CYP24A1: variants seen among roughly 807,000 people sequenced by gnomAD.
The protein encoded by CYP24A1 is cytochrome P450 family 24 subfamily A member 1.
A neutral mutation model predicts 62.4 loss-of-function variants in CYP24A1; 68 were observed. The observed-to-expected ratio is 1.09, with a 90% CI of 0.90 to 1.33. The LOEUF (loss-of-function observed/expected upper bound fraction) is 1.33. Ranked by LOEUF, CYP24A1 falls within the 40% of genes most tolerant of loss-of-function variation. The pLI, the probability that CYP24A1 is intolerant of heterozygous loss-of-function variation, is 0.00. For missense variants in CYP24A1, 787 were observed against 653.0 expected, an observed-to-expected ratio of 1.21 and a Z score of -2.24; for synonymous variants, 267 against 253.0, an observed-to-expected ratio of 1.06 and a Z score of -0.52.
At position 54,162,229 on chromosome 20, in the gene CYP24A1, T is replaced by TTG. The variant is rs1568968827; in HGVS notation, c.990+487_990+488insCA. On this transcript the variant is annotated intron_variant, in intron 7 of 11. Transcript: ENST00000216862. Reference sequence around the variant, plus strand: ...TTGAAAGAGAGTATGCCTTTTTTTTTTTTTTTTTTTTTTTTTTTTTTTTTT... The same window carrying TTG: ...TTGAAAGAGAGTATGCCTTTTTTTTTTGTTTTTTTTTTTTTTTTTTTTTTTTT... 6.2e-5 allele frequency among the ~76,000 whole-genome samples: 3 copies of TTG among 48,558 alleles called. No homozygotes were observed. In the East Asian group the frequency reaches 1.4e-3, roughly 23 times the overall value. The allele number at this position is 48,558 out of a possible 152,430, so 31.9% of individuals were successfully genotyped here.
chr20:54,169,740 C>T (rs2092687724), intron 3 of CYP24A1, 52 bp from the exon 4 acceptor site: 2 of 1,611,344 alleles, frequency 1.2e-6, no homozygotes, highest in Non-Finnish European at 1.7e-6. Context: ...TGAAGGAAAA[C>T]AAAACTTTAA....
intron 4 of CYP24A1, among the ~76,000 whole-genome samples, 189 bp from the exon 5 acceptor site, chr20:54,166,022 T>C (rs1317426143): frequency 6.6e-6 from 1 of 152,210 alleles, no homozygotes; most frequent in East Asian, 1.9e-4. Context: ...ACTTTCTTTT[T>C]CTAGAAATTA....
intron 9 of CYP24A1, 59 bp downstream of exon 9, chr20:54,158,027 A>T: frequency 6.2e-7 from 1 of 1,605,778 alleles, no homozygotes; most frequent in South Asian, 1.1e-5. Context: ...TCTGGTGAAT[A>T]TTTGCAAAGT....
downstream of CYP24A1, among the ~76,000 whole-genome samples, chr20:54,149,083 T>C (rs531769787): frequency 1.8e-4 from 27 of 152,368 alleles, no homozygotes; most frequent in South Asian, 6.2e-4. Context: ...CCTGTACCCA[T>C]GATGCTTGGC....
At position 54,159,016 on chromosome 20, in the gene CYP24A1, T is replaced by A. The variant is rs764982769; in HGVS notation, c.1098A>T (p.Pro366=). The A allele has an allele frequency of 9.4e-5, 151 of 1,614,220 alleles. 1 individual carries two copies. The South Asian group carries it at 9.9e-4, about 11-fold the overall frequency. The change falls in exon 8 of 12, where the codon CCA becomes CCT. Residue 366 remains proline (P), a synonymous_variant. Coordinates refer to ENST00000216862, the MANE Select transcript of CYP24A1 (RefSeq NM_000782.5). ...GCATATTCCTCAAATCTTCTGCCCG[T>A]GGCACCTGATTCTCAGGTAATACAC... The part of the protein sequence containing the change: ...IQSVLPENQV[P]RAEDLRNMPY...
chr20:54,165,051 T>C (rs1315247754), intron 5 of CYP24A1, among the ~76,000 whole-genome samples: 2 of 152,220 alleles, frequency 1.3e-5, no homozygotes, highest in African/African-American at 4.8e-5. Flanking sequence ...TAACCTTGCC[T>C]AAACAAAGAA....
rs142936544 is a variant in CYP24A1 at position 54,172,090 on chromosome 20, A to C, written c.450-420T>G. 1.8e-3 allele frequency: 491 copies of C among 275,688 alleles called. 2 individuals carry two copies. Among genetic ancestry groups the C allele is most frequent in the Non-Finnish European group, 1.4e-3 (203 of 142,830 alleles). The allele number at this position is 275,688 out of a possible 1,614,324, so 17.1% of individuals were successfully genotyped here. A position where few individuals can be genotyped will look rare whatever the true frequency, so the allele number is the denominator to read the frequency against. On this transcript the variant is annotated intron_variant, in intron 2 of 11. Coordinates refer to ENST00000216862, the MANE Select transcript of CYP24A1 (RefSeq NM_000782.5). ...CTTTCAACTCATTGGTGTGGGCTTC[A>C]TATTTACAAAATATCTCAGATTTAG...
Position 54,162,825 on chromosome 20 carries a change from A to T in CYP24A1, c.882T>A (p.Ser294=). The T allele has an allele frequency of 6.4e-7, 1 of 1,562,810 alleles. No homozygotes were observed. Among genetic ancestry groups the T allele is most frequent in the African/African-American group, 1.4e-5 (1 of 73,962 alleles). ...AAAGGAAATCTGCACTAGGCTGCTGAGAATACTTCTCTAACCGGTTGTCGA... is the reference window on the plus strand; with the variant it reads ...AAAGGAAATCTGCACTAGGCTGCTGTGAATACTTCTCTAACCGGTTGTCGA... ...ACIDNRLEKY[S]QQPSADFLCD... The change falls in exon 7 of 12, where the codon TCT becomes TCA. Residue 294 remains serine (S), a synonymous_variant. Transcript: ENST00000216862.
intron 11 of CYP24A1, among the ~76,000 whole-genome samples, chr20:54,156,936 A>G (rs755618642): frequency 1.1e-4 from 16 of 152,226 alleles, no homozygotes; most frequent in Non-Finnish European, 1.8e-4. Flanking sequence ...TGCCAGGCTC[A>G]GGAATAACTA....
intron 7 of CYP24A1, among the ~76,000 whole-genome samples, chr20:54,160,292 A>T (rs182152114): frequency 1.4e-4 from 22 of 152,376 alleles, no homozygotes; most frequent in Middle Eastern, 3.4e-3. Context: ...TAGAGAAAAA[A>T]TATTGGTGGA....
chr20:54,172,065 C>A (rs2092695950), intron 2 of CYP24A1: 1 of 306,884 alleles, frequency 3.3e-6, no homozygotes, highest in African/African-American at 2.2e-5. Flanking sequence ...ATCTTGTCTT[C>A]TTTCAACTCA....
chr20:54,143,891 C>A, the CYP24A1 span, among the ~76,000 whole-genome samples: 1 of 151,570 alleles, frequency 6.6e-6, no homozygotes, highest in Non-Finnish European at 1.5e-5. Context: ...TTTAAAAAAT[C>A]GTAAGTGAAT....
chr20:54,145,013 TGA>T, the CYP24A1 span, among the ~76,000 whole-genome samples: 50,078 of 151,946 alleles, frequency 0.33, 8,335 homozygotes, highest in South Asian at 0.42. Context: ...CCCTTACAGT[TGA>T]GAATTGTTGT....
intron 8 of CYP24A1, 80 bp downstream of exon 8, chr20:54,158,877 A>G: frequency 6.2e-7 from 1 of 1,609,774 alleles, no homozygotes; most frequent in Non-Finnish European, 8.5e-7. Flanking sequence ...GAAGCCGCCC[A>G]TGAGTAGGGG....
At position 54,162,822 on chromosome 20, in the gene CYP24A1, C is replaced by T. The variant is rs768841085; in HGVS notation, c.885G>A (p.Gln295=). 3 of 1,558,374 alleles carry T rather than the reference C, an allele frequency of 1.9e-6. No homozygotes were observed. In the South Asian group the frequency reaches 3.3e-5, roughly 17 times the overall value. Reference sequence around the variant, plus strand: ...CACAAAGGAAATCTGCACTAGGCTGCTGAGAATACTTCTCTAACCGGTTGT... The same window carrying T: ...CACAAAGGAAATCTGCACTAGGCTGTTGAGAATACTTCTCTAACCGGTTGT... ...CIDNRLEKYS[Q]QPSADFLCDI... is the part of the protein sequence containing the mutation. The change falls in exon 7 of 12, where the codon CAG becomes CAA. Residue 295 remains glutamine (Q), a synonymous_variant. Coordinates refer to ENST00000216862, the MANE Select transcript of CYP24A1 (RefSeq NM_000782.5).
At chr20:54,148,411 C>CACACAT in the CYP24A1 span, among the ~76,000 whole-genome samples, 2 of 149,354 alleles carry the variant, frequency 1.3e-5, no homozygotes, top group East Asian at 2.0e-4. Context: ...CACACACACA[C>CACACAT]GTCTTAACTC....
downstream of CYP24A1, among the ~76,000 whole-genome samples, chr20:54,152,680 G>A (rs1041761514): frequency 6.6e-6 from 1 of 152,240 alleles, no homozygotes; most frequent in African/African-American, 2.4e-5. Context: ...GGTTCCAGAG[G>A]CCTCTGGGGG....
intron 7 of CYP24A1, 136 bp downstream of exon 7, chr20:54,162,581 T>G: frequency 2.3e-5 from 14 of 614,568 alleles, no homozygotes; most frequent in Middle Eastern, 2.7e-4. Flanking sequence ...GCATCTAGTA[T>G]GAGACTTTTC....
chr20:54,162,423 A>G (rs2092654679), intron 7 of CYP24A1, among the ~76,000 whole-genome samples: 2 of 107,108 alleles, frequency 1.9e-5, no homozygotes, highest in African/African-American at 6.8e-5. Flanking sequence ...ATCACATCCT[A>G]CTCTGGCTTT....
Sources: allele counts gnomAD v4.1 joint callset (sites outside exome capture counted in the v4.1 genomes callset), GRCh38; gene constraint gnomAD v4.1.1; transcripts MANE v1.5; gene names NCBI Gene and HGNC (gene_info 2026-07-23, HGNC 2026-07-21).